The following ETFA variants were observed in gnomAD, a reference collection of about 807,000 sequenced individuals.
The protein encoded by ETFA is electron transfer flavoprotein subunit alpha.
Under a neutral mutation model 46.2 loss-of-function variants are expected in ETFA, and 22 were observed. That is an observed-to-expected ratio of 0.48 (90% CI 0.34 to 0.68). The LOEUF is 0.68. Ranked by LOEUF, ETFA falls within the 30% of genes least tolerant of loss-of-function variation. The probability of loss-of-function intolerance (pLI) is 0.01; values close to 1 mark genes in which losing one functional copy is unlikely to be tolerated. For synonymous variants in ETFA, 131 were observed against 139.9 expected (o/e 0.94, Z 0.45); for missense variants, 345 against 401.1 (o/e 0.86, Z 1.19).
chr15:76,269,302 GT>G (rs1228966319), intron 9 of ETFA, among the ~76,000 whole-genome samples: 1 of 152,212 alleles, frequency 6.6e-6, no homozygotes, highest in Admixed American at 6.5e-5. Context: ...ATATAAAAGA[GT>G]TTTGGAATAT....
intron 9 of ETFA, among the ~76,000 whole-genome samples, chr15:76,273,428 C>T (rs912207125): frequency 1.5e-4 from 23 of 152,010 alleles, no homozygotes; most frequent in African/African-American, 1.9e-4. Flanking sequence ...TGGTGGTGGG[C>T]GCCTGTAATC....
rs115618276 is a variant in ETFA, at chr15:76,254,198, G to C, written c.816+20214C>G. Among the ~76,000 whole-genome samples the C allele has an allele frequency of 3.6e-3, 551 of 152,342 alleles. 3 individuals carry two copies. Among genetic ancestry groups the C allele is most frequent in the African/African-American group, 0.013 (526 of 41,582 alleles). ...TGGTTGAGGAAACACACAAAAGACA[G>C]TATTCGTGACTGCCAAACCAGCTGG... On this transcript the variant is annotated intron_variant, in intron 9 of 11. Transcript: ENST00000557943.
intron 9 of ETFA, among the ~76,000 whole-genome samples, chr15:76,246,901 A>T (rs966796291): frequency 2.6e-5 from 4 of 152,142 alleles, no homozygotes; most frequent in Non-Finnish European, 5.9e-5. Context: ...TTATTCCCAG[A>T]AGATATGTCT....
At chr15:76,276,328 T>C (rs373349299) in intron 8 of ETFA, among the ~76,000 whole-genome samples, 2 of 152,072 alleles carry the variant, frequency 1.3e-5, no homozygotes, top group African/African-American at 4.8e-5. Flanking sequence ...TTATTATCTT[T>C]GCTCTTGTAC....
intron 4 of ETFA, 41 bp from the exon 5 acceptor site, chr15:76,287,986 T>C (rs1023004376): frequency 2.5e-6 from 3 of 1,202,536 alleles, no homozygotes; most frequent in African/African-American, 1.5e-5. Flanking sequence ...ACATACATAG[T>C]GATGGAAGAC....
chr15:76,286,246 C>A, intron 6 of ETFA, 125 bp downstream of exon 6: 2 of 613,658 alleles, frequency 3.3e-6, no homozygotes, highest in East Asian at 5.6e-5. Context: ...TTGGGAATAT[C>A]ATTTAAATTG....
intron 9 of ETFA, among the ~76,000 whole-genome samples, chr15:76,252,936 T>A (rs979442338): frequency 1.3e-5 from 2 of 148,208 alleles, no homozygotes; most frequent in Non-Finnish European, 1.5e-5. Context: ...GGGGTCTTGC[T>A]GCATTATGCA....
At chr15:76,263,959 T>C (rs919541683) in intron 9 of ETFA, among the ~76,000 whole-genome samples, 2 of 152,198 alleles carry the variant, frequency 1.3e-5, no homozygotes, top group East Asian at 3.8e-4. Context: ...ATGAATCAGC[T>C]GAAAAACTTA....
chr15:76,268,189 CAAA>C (rs57096514), intron 9 of ETFA, among the ~76,000 whole-genome samples: 81 of 107,026 alleles, frequency 7.6e-4, no homozygotes, highest in Non-Finnish European at 8.4e-4. Flanking sequence ...CCAGCTACAG[CAAA>C]AAAAAAAAAA....
chr15:76,217,711 T>C (rs1018296763), intron 11 of ETFA: 28 of 428,528 alleles, frequency 6.5e-5, no homozygotes, highest in African/African-American at 4.1e-4. Context: ...CTCTGAAAAC[T>C]GGTCCAGCCA....
chr15:76,297,118 T>C (rs1262126228), intron 1 of ETFA, among the ~76,000 whole-genome samples: 1 of 152,226 alleles, frequency 6.6e-6, no homozygotes, highest in African/African-American at 2.4e-5. Flanking sequence ...GAAGAAAGCA[T>C]AGCATGGAAT....
intron 11 of ETFA, among the ~76,000 whole-genome samples, chr15:76,217,014 G>A (rs1199519863): frequency 6.6e-6 from 1 of 151,610 alleles, no homozygotes; most frequent in Non-Finnish European, 1.5e-5. Flanking sequence ...ATGGGGTATC[G>A]TCATGTTGCC....
At chr15:76,300,864 T>C (rs2039873284) in intron 1 of ETFA, among the ~76,000 whole-genome samples, 2 of 152,162 alleles carry the variant, frequency 1.3e-5, no homozygotes, top group Admixed American at 1.3e-4. Context: ...CTCTGCCTAG[T>C]GGACCTCTTT....
intron 9 of ETFA, chr15:76,261,334 G>A (rs1020419273): frequency 9.4e-6 from 13 of 1,384,202 alleles, no homozygotes; most frequent in Non-Finnish European, 1.1e-5. Context: ...GGAGATCTGG[G>A]TTTCGCCCCC....
intron 9 of ETFA, among the ~76,000 whole-genome samples, chr15:76,263,637 G>A (rs2039441501): frequency 2.6e-5 from 4 of 152,154 alleles, no homozygotes; most frequent in Admixed American, 2.6e-4. Context: ...TGGATGAATG[G>A]GAGACAACGG....
At chr15:76,228,751 CTTTTT>C (rs990306452) in intron 10 of ETFA, 31 of 115,282 alleles carry the variant, frequency 2.7e-4, no homozygotes, top group Middle Eastern at 4.3e-3. Flanking sequence ...ATTATTATTA[CTTTTT>C]TTTTTTTTTT....
At chr15:76,220,918 G>A (rs966355083) in intron 11 of ETFA, among the ~76,000 whole-genome samples, 10 of 152,108 alleles carry the variant, frequency 6.6e-5, no homozygotes, top group South Asian at 6.2e-4. Flanking sequence ...ACAACCTGAC[G>A]GTTATTCAAA....
chr15:76,222,122 C>A (rs1173296274), intron 11 of ETFA, among the ~76,000 whole-genome samples: 1 of 151,248 alleles, frequency 6.6e-6, no homozygotes, highest in Non-Finnish European at 1.5e-5. Context: ...CTAATTAATT[C>A]TCACCCATAA....
chr15:76,258,287 T>C (rs935258134), intron 9 of ETFA, among the ~76,000 whole-genome samples: 3 of 152,158 alleles, frequency 2.0e-5, no homozygotes, highest in African/African-American at 7.2e-5. Flanking sequence ...GCAAGCCTCA[T>C]AGCACCCCTT....
Sources: gnomAD v4.1 joint callset for allele counts (sites outside exome capture counted in the v4.1 genomes callset) on GRCh38, gnomAD v4.1.1 for gene constraint, MANE v1.5 for transcripts, NCBI Gene and HGNC (gene_info 2026-07-23, HGNC 2026-07-21) for gene names.